Variants in GNG3 observed in about 807,000 individuals in gnomAD.
The protein encoded by GNG3 is guanine nucleotide-binding protein G(I)/G(S)/G(O) subunit gamma-3.
GNG3 carries 4 observed loss-of-function variants against 5.6 expected under a neutral mutation model. The observed-to-expected ratio is 0.71, with a 90% CI of 0.35 to 1.63. GNG3 has a LOEUF of 1.63. GNG3 is among the 40% of genes most tolerant of loss of function. GNG3 has a pLI of 0.05. For missense variants in GNG3, 62 were observed against 96.6 expected (o/e 0.64, Z 1.50); for synonymous variants, 30 against 33.5 (o/e 0.89, Z 0.36).
In GNG3 at chr11:62,707,679, C is replaced by G; in HGVS notation, c.-238C>G. ...TGCTCCAGGATCTGAGCAGCTCCTTCTAGCATCCTTCATCCTTCAGGTACC... is the reference window on the plus strand; with the variant it reads ...TGCTCCAGGATCTGAGCAGCTCCTTGTAGCATCCTTCATCCTTCAGGTACC... On this transcript the variant is annotated 5_prime_UTR_variant, in exon 1 of 3. Transcript: ENST00000294117. 1 of 398,860 alleles carries G rather than the reference C, an allele frequency of 2.5e-6. No homozygotes were observed. The highest frequency in any genetic ancestry group is 7.7e-4 in the Middle Eastern group (1 of 1,292). 24.7% of individuals were successfully genotyped at this position (398,860 alleles called of 1,614,324 possible).
rs1389661611 is a variant in GNG3 at position 62,708,334 on chromosome 11, T to G, written c.39T>G (p.Ile13Met). The G allele has an allele frequency of 2.5e-6, 4 of 1,613,812 alleles. No homozygotes were observed. In the South Asian group the frequency reaches 4.4e-5, roughly 18 times the overall value. Residue 13 changes from isoleucine (I) to methionine (M), a missense_variant, in exon 2 of 3, where the codon ATT becomes ATG. Physicochemically the swap from Ile to Met is conservative, Grantham distance 10 (BLOSUM62 1). This residue lies in a region of GNG3 where 58 missense variants were observed against 75.4 expected (regional missense o/e 0.77). Coordinates refer to ENST00000294117, the MANE Select transcript of GNG3 (RefSeq NM_012202.5). ...CCCCGGTGAACAGCACTATGAGTAT[T>G]GGGCAAGCACGCAAGATGGTGGAAC... ...GETPVNSTMS[I>M]GQARKMVEQL...
chr11:62,708,745 C>A lies in GNG3; in HGVS notation c.167C>A (p.Thr56Asn), dbSNP rs2083585057. 1 of 1,614,122 alleles carries A rather than the reference C, an allele frequency of 6.2e-7. No individual in the cohort carries two copies. The highest frequency in any genetic ancestry group is 1.1e-5 in the South Asian group (1 of 91,088). Reference protein sequence around the residue: ...DAHACEDPLITPVPTSENPFR... With the variant: ...DAHACEDPLINPVPTSENPFR... ...CACGCCTGTGAGGATCCCCTCATCA[C>A]CCCTGTGCCCACTTCGGAGAACCCC... Residue 56 changes from threonine (T) to asparagine (N), a missense_variant, in exon 3 of 3, where the codon ACC (threonine) becomes AAC (asparagine). Coordinates refer to ENST00000294117, the MANE Select transcript of GNG3 (RefSeq NM_012202.5).
At chr11:62,708,523 GT>G in intron 2 of GNG3, 129 bp downstream of exon 2, 1 of 1,248,914 alleles carries the variant, frequency 8.0e-7, no homozygotes, top group Admixed American at 1.9e-5. Flanking sequence ...CTGGGGCTCT[GT>G]AGAGAGAGCT....
upstream of GNG3, chr11:62,706,991 G>A: frequency 1.1e-6 from 1 of 881,784 alleles, no homozygotes; most frequent in Admixed American, 2.3e-5. Context: ...GCGGGCGTGG[G>A]AAGTAATCTA....
chr11:62,708,386 C>T lies in GNG3; in HGVS notation c.91C>T (p.Arg31Trp), dbSNP rs1064797156. ...EQLKIEASLC[R>W]IKVSKAAADL... The stretch of plus-strand genomic sequence containing the variant: ...GCTTAAGATTGAAGCCAGCTTGTGT[C>T]GGATAAAGGTAGGTGGGACCCTGGC... Residue 31 changes from arginine (R) to tryptophan (W), a missense_variant, in exon 2 of 3, where the codon CGG becomes TGG. Physicochemically the swap from Arg to Trp is moderately radical, Grantham distance 101. Around this residue, in one of 2 missense-constraint regions of GNG3, gnomAD observed 58 missense variants for 75.4 expected, o/e 0.77. Transcript: ENST00000294117. 6.2e-7 allele frequency: 1 copy of T among 1,610,202 alleles called. No homozygotes were observed. The highest frequency in any genetic ancestry group is 8.5e-7 in the Non-Finnish European group (1 of 1,176,484).
upstream of GNG3, chr11:62,707,371 G>A (rs749612925): frequency 1.2e-4 from 89 of 723,452 alleles, no homozygotes; most frequent in Non-Finnish European, 2.0e-4. Flanking sequence ...TGTCAGAGTA[G>A]AGGGAGGAAA....
chr11:62,706,526 G>A (rs2083541569), upstream of GNG3: 1 of 445,294 alleles, frequency 2.2e-6, no homozygotes, highest in Middle Eastern at 7.3e-4. Flanking sequence ...CTCCCTGCAG[G>A]CCCCAAGATG....
intron 2 of GNG3, 61 bp downstream of exon 2, chr11:62,708,455 C>A: frequency 7.5e-7 from 1 of 1,339,678 alleles, no homozygotes; most frequent in Non-Finnish European, 1.1e-6. Flanking sequence ...TGCAGGTTCC[C>A]AAAGCTCAAG....
chr11:62,706,468 C>T (rs1320794899), upstream of GNG3: 1 of 402,502 alleles, frequency 2.5e-6, no homozygotes, highest in Non-Finnish European at 4.6e-6. Flanking sequence ...GCTCTCTCTG[C>T]GGCAGGTTTC....
Position 62,708,836 on chromosome 11 carries a change from C to G in GNG3, c.*30C>G. On this transcript the variant is annotated 3_prime_UTR_variant, in exon 3 of 3. Transcript: ENST00000294117. ...CCCTGTCCCTTCTCACAACTCCTCC[C>G]TTTTCCCTCTCCTGGGCCCTTCCTT... 6.4e-7 allele frequency: 1 copy of G among 1,554,688 alleles called. No homozygotes were observed. The highest frequency in any genetic ancestry group is 8.9e-7 in the Non-Finnish European group (1 of 1,127,394).
upstream of GNG3, chr11:62,707,263 C>T: frequency 1.5e-6 from 2 of 1,334,000 alleles, no homozygotes; most frequent in Non-Finnish European, 2.1e-6. Flanking sequence ...CGTGAAGTGG[C>T]GATCCAGACG....
At chr11:62,708,151 C>G (rs2083573982) in intron 1 of GNG3, 144 bp from the exon 2 acceptor site, 3 of 681,276 alleles carry the variant, frequency 4.4e-6, no homozygotes, top group Admixed American at 2.1e-5. Context: ...AGGGATGAGA[C>G]AGTCCACTGG....
intron 1 of GNG3, 164 bp downstream of exon 1, chr11:62,708,079 C>A (rs1056279527): frequency 1.0e-5 from 6 of 589,052 alleles, no homozygotes; most frequent in Non-Finnish European, 1.8e-5. Context: ...GATCTGTGGC[C>A]CAGGCCATGA....
rs2083586341 is a variant in GNG3 at position 62,708,856 on chromosome 11, T to G, written c.*50T>G. On this transcript the variant is annotated 3_prime_UTR_variant, in exon 3 of 3. Transcript: ENST00000294117. Reference sequence around the variant, plus strand: ...CCTCCCTTTTCCCTCTCCTGGGCCCTTCCTTAGGTCAGTAATTGTTGTGAG... The same window carrying G: ...CCTCCCTTTTCCCTCTCCTGGGCCCGTCCTTAGGTCAGTAATTGTTGTGAG... The G allele has an allele frequency of 4.2e-4, 527 of 1,265,710 alleles. No individual in the cohort carries two copies. The highest frequency in any genetic ancestry group is 5.5e-4 in the Non-Finnish European group (474 of 868,776). The allele number at this position is 1,265,710 out of a possible 1,614,324, so 78.4% of individuals were successfully genotyped here.
upstream of GNG3, chr11:62,707,266 TC>T: frequency 7.6e-7 from 1 of 1,307,930 alleles, no homozygotes; most frequent in Non-Finnish European, 1.1e-6. Flanking sequence ...GAAGTGGCGA[TC>T]CAGACGCTGA....
upstream of GNG3, chr11:62,707,500 G>T (rs1235635288): frequency 1.6e-6 from 1 of 638,582 alleles, no homozygotes; most frequent in African/African-American, 1.8e-5. Flanking sequence ...ATTTGAGAGG[G>T]GGAGTCGGCC....
Position 62,708,891 on chromosome 11 carries a change from C to A in GNG3, c.*85C>A. ...CAGTAATTGTTGTGAGCCCCTTAGGCTCCTTGCATCCCATCCCTAACCCTT... is the reference window on the plus strand; with the variant it reads ...CAGTAATTGTTGTGAGCCCCTTAGGATCCTTGCATCCCATCCCTAACCCTT... On this transcript the variant is annotated 3_prime_UTR_variant, in exon 3 of 3. Coordinates refer to ENST00000294117, the MANE Select transcript of GNG3 (RefSeq NM_012202.5). 2 of 1,008,642 alleles carry A rather than the reference C, an allele frequency of 2.0e-6. No individual in the cohort carries two copies. The highest frequency in any genetic ancestry group is 3.1e-6 in the Non-Finnish European group (2 of 647,814). 62.5% of individuals were successfully genotyped at this position (1,008,642 alleles called of 1,614,324 possible).
rs572417715 is a variant in GNG3 at position 62,708,310 on chromosome 11, C to T, written c.15C>T (p.Thr5=). The T allele has an allele frequency of 1.2e-5, 20 of 1,611,424 alleles. No individual in the cohort carries two copies. Among genetic ancestry groups the T allele is most frequent in the Admixed American group, 1.7e-5 (1 of 60,010 alleles). The part of the protein sequence containing the change: MKGE[T]PVNSTMSIGQ... ...TTTTTTCCAGGATGAAAGGTGAGACCCCGGTGAACAGCACTATGAGTATTG... is the reference window on the plus strand; with the variant it reads ...TTTTTTCCAGGATGAAAGGTGAGACTCCGGTGAACAGCACTATGAGTATTG... The change falls in exon 2 of 3, where the codon ACC becomes ACT. Residue 5 remains threonine (T), a synonymous_variant. Transcript: ENST00000294117.
At chr11:62,706,649 G>T, upstream of GNG3, 1 of 474,718 alleles carries the variant, frequency 2.1e-6, no homozygotes, top group South Asian at 1.5e-5. Flanking sequence ...AAGCGGCCGA[G>T]TGAGGCGGTC....
Sources: allele counts gnomAD v4.1 joint callset, GRCh38; gene constraint gnomAD v4.1.1; regional missense constraint gnomAD v4.1.1; transcripts MANE v1.5; gene names NCBI Gene and HGNC (gene_info 2026-07-23, HGNC 2026-07-21).